Variants in PTPRN2 observed in about 807,000 individuals in gnomAD.
PTPRN2 encodes the protein protein tyrosine phosphatase receptor type N2.
Under a neutral mutation model 118.8 loss-of-function variants are expected in PTPRN2, and 74 were observed. The observed-to-expected ratio is 0.62, with a 90% confidence interval of 0.52 to 0.76. PTPRN2 has a LOEUF of 0.76. Among genes scored for constraint, PTPRN2 ranks in the 30% least tolerant of loss-of-function variants. The pLI is 0.00. For missense variants in PTPRN2, 1,481 were observed against 1,394.4 expected, an observed-to-expected ratio of 1.06 and a Z score of -0.99; for synonymous variants, 641 against 608.0, an observed-to-expected ratio of 1.05 and a Z score of -0.80.
At chr7:158,073,713 A>G (rs1429458105) in intron 11 of PTPRN2, among the ~76,000 whole-genome samples, 1 of 152,224 alleles carries the variant, frequency 6.6e-6, no homozygotes, top group Non-Finnish European at 1.5e-5. Context: ...GTATGAAGAC[A>G]CTGCCCTTTC....
intron 12 of PTPRN2, among the ~76,000 whole-genome samples, chr7:157,871,762 CAT>C (rs1414399514): frequency 7.8e-6 from 1 of 127,534 alleles, no homozygotes; most frequent in African/African-American, 3.9e-5. Context: ...CATATGCACA[CAT>C]ACACACACAC....
At chr7:158,237,836 C>A (rs1795627837) in intron 3 of PTPRN2, among the ~76,000 whole-genome samples, 1 of 152,180 alleles carries the variant, frequency 6.6e-6, no homozygotes, top group Non-Finnish European at 1.5e-5. Flanking sequence ...TCTTTCTGAA[C>A]ACCCCCCGGC....
At chr7:158,215,297 A>G (rs1827879431) in intron 3 of PTPRN2, among the ~76,000 whole-genome samples, 1 of 152,224 alleles carries the variant, frequency 6.6e-6, no homozygotes, top group African/African-American at 2.4e-5. Flanking sequence ...AGGATAAAAC[A>G]GTAGGAATTA....
chr7:158,193,829 G>A (rs777770803), intron 4 of PTPRN2, among the ~76,000 whole-genome samples: 1 of 149,992 alleles, frequency 6.7e-6, no homozygotes, highest in South Asian at 2.1e-4. Flanking sequence ...CATAGGAGAC[G>A]CCTCTACCAG....
At chr7:158,354,308 C>G (rs1380647758) in intron 2 of PTPRN2, among the ~76,000 whole-genome samples, 2 of 152,126 alleles carry the variant, frequency 1.3e-5, no homozygotes, top group Non-Finnish European at 2.9e-5. Context: ...CACAGACACA[C>G]ATCAACAAAC....
At chr7:157,776,297 TCTCCCTCTCCTCTTC>T (rs1303625243) in intron 12 of PTPRN2, among the ~76,000 whole-genome samples, 7 of 102,998 alleles carry the variant, frequency 6.8e-5, no homozygotes, top group Non-Finnish European at 1.3e-4. Flanking sequence ...CTGTCCTCCT[TCTCCCTCTCCTCTTC>T]CTCCCTCTCC....
chr7:158,146,247 T>A (rs1819977266), intron 6 of PTPRN2, among the ~76,000 whole-genome samples: 1 of 152,144 alleles, frequency 6.6e-6, no homozygotes, highest in South Asian at 2.1e-4. Context: ...TTATGCATTT[T>A]GAAACTATTT....
chr7:158,239,308 C>T (rs1247591979), intron 3 of PTPRN2, among the ~76,000 whole-genome samples: 1 of 152,214 alleles, frequency 6.6e-6, no homozygotes, highest in Non-Finnish European at 1.5e-5. Flanking sequence ...GACGCGACCT[C>T]CAGCTCTAAC....
chr7:157,601,820 C>T (rs904141420), intron 16 of PTPRN2, among the ~76,000 whole-genome samples: 20 of 152,248 alleles, frequency 1.3e-4, no homozygotes, highest in African/African-American at 4.8e-4. Context: ...CTTTATTCCT[C>T]ATTCTGGCTT....
chr7:158,283,455 GC>G, intron 3 of PTPRN2, among the ~76,000 whole-genome samples: 1 of 152,300 alleles, frequency 6.6e-6, no homozygotes, highest in African/African-American at 2.4e-5. Flanking sequence ...GGGTAACCAG[GC>G]TTCTCAGTAG....
At chr7:158,370,191 AC>A (rs1174595940) in intron 2 of PTPRN2, among the ~76,000 whole-genome samples, 1 of 152,126 alleles carries the variant, frequency 6.6e-6, no homozygotes, top group Non-Finnish European at 1.5e-5. Flanking sequence ...TAATCTCAAC[AC>A]TTAGGGAGGC....
rs1177077072 is a variant in PTPRN2 at position 157,893,907 on chromosome 7, C to T, written c.1788+4766G>A. Among the ~76,000 whole-genome samples the T allele has an allele frequency of 2.0e-5, 3 of 152,132 alleles. No homozygotes were observed. The highest frequency in any genetic ancestry group is 2.9e-5 in the Non-Finnish European group (2 of 68,034). On this transcript the variant is annotated intron_variant, in intron 12 of 22. Transcript: ENST00000389418. This position sits in a 1 kb window ranked among gnomAD's most constrained non-coding sequence, Gnocchi z 4.0. ...TCGACTTGAAGGGAACAGAGATGGC[C>T]GTCGCGCCCAGTGAGAGCAGAAAGC...
chr7:158,280,013 G>A (rs115696082), intron 3 of PTPRN2, among the ~76,000 whole-genome samples: 3,721 of 107,404 alleles, frequency 0.035, 170 homozygotes, highest in African/African-American at 0.12. Context: ...CGCTGCCCCC[G>A]AACCCACAGA....
At chr7:157,722,034 C>A (rs924561166) in intron 12 of PTPRN2, among the ~76,000 whole-genome samples, 3 of 152,186 alleles carry the variant, frequency 2.0e-5, no homozygotes, top group African/African-American at 7.2e-5. Flanking sequence ...TCGCCCCCCA[C>A]CCCCGGAGCA....
At chr7:158,018,365 C>T (rs1046687545) in intron 11 of PTPRN2, among the ~76,000 whole-genome samples, 2 of 149,520 alleles carry the variant, frequency 1.3e-5, no homozygotes, top group South Asian at 2.1e-4. Context: ...AGAAGACAGG[C>T]GTAGCGTGCA....
chr7:158,016,518 A>G (rs1806471936), intron 11 of PTPRN2, among the ~76,000 whole-genome samples: 1 of 152,178 alleles, frequency 6.6e-6, no homozygotes, highest in African/African-American at 2.4e-5. Context: ...AAATACACAC[A>G]CACCCATCAG....
At chr7:157,804,121 T>C (rs1186094803) in intron 12 of PTPRN2, among the ~76,000 whole-genome samples, 3 of 152,232 alleles carry the variant, frequency 2.0e-5, no homozygotes, top group Admixed American at 6.5e-5. Context: ...AGGGATTCCT[T>C]AAGAAACAGG....
Position 157,808,266 on chromosome 7 carries a change from C to T in PTPRN2, c.1788+90407G>A, listed in dbSNP as rs931779872. On this transcript the variant is annotated intron_variant, in intron 12 of 22. Transcript: ENST00000389418. This position sits in a 1 kb window ranked among gnomAD's most constrained non-coding sequence, Gnocchi z 5.0. ...GGCAGGTAGGTGAGTGGGTGAGTGG[C>T]GGGAGAGTGAGCTGTTGAGTGGCCG... is the stretch of plus-strand genomic sequence containing the variant. Among the ~76,000 whole-genome samples the T allele has an allele frequency of 2.7e-5, 4 of 145,692 alleles. No homozygotes were observed. The highest frequency in any genetic ancestry group is 2.3e-4 in the South Asian group (1 of 4,386).
chr7:157,918,051 T>C (rs1003892590), intron 11 of PTPRN2, among the ~76,000 whole-genome samples: 1 of 152,180 alleles, frequency 6.6e-6, no homozygotes, highest in Non-Finnish European at 1.5e-5. Context: ...AACCTACCCC[T>C]AAAAGATTCT....
Sources: gnomAD v4.1 joint callset for allele counts (sites outside exome capture counted in the v4.1 genomes callset) on GRCh38, gnomAD v4.1.1 for gene constraint, Gnocchi (gnomAD v3.1) non-coding constraint, MANE v1.5 for transcripts, NCBI Gene and HGNC (gene_info 2026-07-23, HGNC 2026-07-21) for gene names.